Variants in KCNH5 observed in about 807,000 individuals in gnomAD.
KCNH5 encodes the protein potassium voltage-gated channel subfamily H member 5.
A neutral mutation model predicts 96.1 loss-of-function variants in KCNH5; 46 were observed. The ratio of observed to expected loss-of-function variants is 0.48; its 90% CI spans 0.38 to 0.61. The LOEUF (loss-of-function observed/expected upper bound fraction) is 0.61. Among genes scored for constraint, KCNH5 ranks in the 20% least tolerant of loss-of-function variants. KCNH5 has a pLI of 0.00. For missense variants in KCNH5, 907 were observed against 1,225.8 expected, an observed-to-expected ratio of 0.74 and a Z score of 3.88; for synonymous variants, 439 against 449.8, an observed-to-expected ratio of 0.98 and a Z score of 0.30.
At chr14:62,796,511 C>A (rs1329387806) in intron 9 of KCNH5, among the ~76,000 whole-genome samples, 1 of 152,126 alleles carries the variant, frequency 6.6e-6, no homozygotes, top group Non-Finnish European at 1.5e-5. Flanking sequence ...TTTGAAGTTA[C>A]AATTGAAAGA....
intron 10 of KCNH5, among the ~76,000 whole-genome samples, chr14:62,722,951 T>C (rs1393788376): frequency 6.6e-6 from 1 of 152,228 alleles, no homozygotes; most frequent in Non-Finnish European, 1.5e-5. Context: ...GCTAATGCTA[T>C]GTACAATTTT....
intron 10 of KCNH5, among the ~76,000 whole-genome samples, chr14:62,770,280 T>C (rs935126383): frequency 6.6e-6 from 1 of 152,234 alleles, no homozygotes; most frequent in East Asian, 1.9e-4. Flanking sequence ...AAAAGATCAT[T>C]GCTACTGAGA....
At chr14:62,789,357 T>C (rs144249064) in intron 9 of KCNH5, among the ~76,000 whole-genome samples, 1 of 152,202 alleles carries the variant, frequency 6.6e-6, no homozygotes, top group East Asian at 1.9e-4. Context: ...CGTTTCCATA[T>C]CTTGCCTATT....
intron 7 of KCNH5, among the ~76,000 whole-genome samples, chr14:62,862,005 G>A (rs1362546282): frequency 1.3e-5 from 2 of 152,060 alleles, no homozygotes; most frequent in African/African-American, 4.8e-5. Context: ...GCTCTTCTCT[G>A]TTTATTTTGT....
chr14:62,967,860 T>C (rs1037254042), intron 6 of KCNH5, among the ~76,000 whole-genome samples: 1 of 152,208 alleles, frequency 6.6e-6, no homozygotes, highest in Non-Finnish European at 1.5e-5. Context: ...GCCTCTATGT[T>C]AGAATCATCC....
At position 62,981,328 on chromosome 14, in the gene KCNH5, A is replaced by T. The variant is rs2139568833; in HGVS notation, c.550-64T>A. On this transcript the variant is annotated intron_variant, in intron 5 of 10. Transcript: ENST00000322893. ...TCTCTGCACAGTCAGTGATGAATTC[A>T]AATCTACTGGCAGTCAAACCACAGC... 2.0e-6 allele frequency: 3 copies of T among 1,495,236 alleles called. No individual in the cohort carries two copies. In the East Asian group the frequency reaches 6.8e-5, roughly 34 times the overall value. The allele number at this position is 1,495,236 out of a possible 1,614,324, so 92.6% of individuals were successfully genotyped here. A position where few individuals can be genotyped will look rare whatever the true frequency, so the allele number is the denominator to read the frequency against.
chr14:63,005,488 G>A (rs911382529), intron 3 of KCNH5, among the ~76,000 whole-genome samples: 3 of 152,180 alleles, frequency 2.0e-5, no homozygotes, highest in Admixed American at 2.0e-4. Flanking sequence ...AACTTGGGAA[G>A]AATTTAGTAA....
chr14:62,798,582 G>A (rs1002921417), intron 9 of KCNH5, among the ~76,000 whole-genome samples: 17 of 152,214 alleles, frequency 1.1e-4, no homozygotes, highest in African/African-American at 3.9e-4. Flanking sequence ...AGGTGGAGGT[G>A]TAGGAACTGA....
At chr14:63,039,745 C>T (rs1320031167) in intron 1 of KCNH5, among the ~76,000 whole-genome samples, 1 of 152,024 alleles carries the variant, frequency 6.6e-6, no homozygotes, top group African/African-American at 2.4e-5. Flanking sequence ...TGATCACTGT[C>T]AACTAAAATA....
At chr14:62,935,792 G>T (rs1176379992) in intron 7 of KCNH5, among the ~76,000 whole-genome samples, 1 of 152,132 alleles carries the variant, frequency 6.6e-6, no homozygotes, top group Non-Finnish European at 1.5e-5. Flanking sequence ...CAGCTTCAAG[G>T]GGCCTTCTGG....
chr14:62,932,638 T>TA (rs1214285432), intron 7 of KCNH5, among the ~76,000 whole-genome samples: 1 of 152,054 alleles, frequency 6.6e-6, no homozygotes, highest in Non-Finnish European at 1.5e-5. Context: ...TGATTACACA[T>TA]ACCCATTGGG....
At chr14:63,025,358 C>G (rs1292365081) in intron 1 of KCNH5, among the ~76,000 whole-genome samples, 1 of 151,954 alleles carries the variant, frequency 6.6e-6, no homozygotes, top group African/African-American at 2.4e-5. Flanking sequence ...CAATTTCTAG[C>G]TGAAATCCTA....
At chr14:62,924,893 T>C (rs551811486) in intron 7 of KCNH5, among the ~76,000 whole-genome samples, 1 of 152,056 alleles carries the variant, frequency 6.6e-6, no homozygotes, top group East Asian at 1.9e-4. Flanking sequence ...ATGTATAGCA[T>C]GGCGACTATA....
In KCNH5 at chr14:62,999,812, A is replaced by G. The variant is rs1448808768; in HGVS notation, c.433+1519T>C. ...ACACCAGAATGGCACATGTATACATATGTAACTAACCTGCACATTGTGCAC... is the reference window on the plus strand; with the variant it reads ...ACACCAGAATGGCACATGTATACATGTGTAACTAACCTGCACATTGTGCAC... On this transcript the variant is annotated intron_variant, in intron 4 of 10. Coordinates refer to ENST00000322893, the MANE Select transcript of KCNH5 (RefSeq NM_139318.5). Among the ~76,000 whole-genome samples the G allele has an allele frequency of 1.1e-4, 16 of 150,954 alleles. No homozygotes were observed. The South Asian group carries it at 2.5e-3, about 24-fold the overall frequency.
chr14:63,035,268 T>C (rs1424476683), intron 1 of KCNH5, among the ~76,000 whole-genome samples: 1 of 152,208 alleles, frequency 6.6e-6, no homozygotes, highest in Non-Finnish European at 1.5e-5. Flanking sequence ...AAGTTACCCT[T>C]TAATGGCAAT....
chr14:62,983,049 T>C (rs936377247), intron 5 of KCNH5, among the ~76,000 whole-genome samples: 2 of 152,188 alleles, frequency 1.3e-5, no homozygotes, highest in African/African-American at 4.8e-5. Flanking sequence ...TCATATTCAA[T>C]GTTAGTAGTT....
At chr14:62,950,952 C>T (rs1401008385) in intron 6 of KCNH5, among the ~76,000 whole-genome samples, 1 of 152,126 alleles carries the variant, frequency 6.6e-6, no homozygotes, top group East Asian at 1.9e-4. Context: ...AAAACTTTCC[C>T]TCTACTCTAA....
At chr14:62,845,481 T>A (rs1887672626) in intron 8 of KCNH5, among the ~76,000 whole-genome samples, 1 of 152,124 alleles carries the variant, frequency 6.6e-6, no homozygotes, top group African/African-American at 2.4e-5. Context: ...ACATAGAAAG[T>A]TTTGTTACAA....
rs754395116 is a variant in KCNH5 at position 63,006,347 on chromosome 14, T to C, written c.304+19A>G. The stretch of plus-strand genomic sequence containing the variant: ...TTAATAAAGAGTTGGCACATCTTAT[T>C]AATAATTGAGATACCTACTGTTTTT... On this transcript the variant is annotated intron_variant, in intron 3 of 10. Coordinates refer to ENST00000322893, the MANE Select transcript of KCNH5 (RefSeq NM_139318.5). The C allele has an allele frequency of 6.9e-7, 1 of 1,448,752 alleles. No individual in the cohort carries two copies. The highest frequency in any genetic ancestry group is 1.7e-5 in the Admixed American group (1 of 59,452). The allele number at this position is 1,448,752 out of a possible 1,614,324, so 89.7% of individuals were successfully genotyped here. A position where few individuals can be genotyped will look rare whatever the true frequency, so the allele number is the denominator to read the frequency against.
Sources: allele counts gnomAD v4.1 joint callset (sites outside exome capture counted in the v4.1 genomes callset), GRCh38; gene constraint gnomAD v4.1.1; transcripts MANE v1.5; gene names NCBI Gene and HGNC (gene_info 2026-07-23, HGNC 2026-07-21).